The following ZBTB20 variants were observed in gnomAD, a reference collection of about 807,000 sequenced individuals.
The protein encoded by ZBTB20 is zinc finger and BTB domain containing 20.
A neutral mutation model predicts 56.9 loss-of-function variants in ZBTB20; 9 were observed. The observed-to-expected ratio is 0.16, with a 90% CI of 0.10 to 0.28. The LOEUF is 0.28. ZBTB20 is among the 10% of genes least tolerant of loss of function. The probability of loss-of-function intolerance (pLI) is 1.00; values close to 1 mark genes in which losing one functional copy is unlikely to be tolerated. For synonymous variants in ZBTB20, 417 were observed against 420.7 expected, an observed-to-expected ratio of 0.99 and a Z score of 0.11; for missense variants, 655 against 1,003.0, an observed-to-expected ratio of 0.65 and a Z score of 4.69.
At chr3:115,137,653 AAGG>A (rs1421795195) in intron 1 of ZBTB20, among the ~76,000 whole-genome samples, 1 of 152,126 alleles carries the variant, frequency 6.6e-6, no homozygotes, top group Non-Finnish European at 1.5e-5. Context: ...TGAATATGGG[AAGG>A]AGGAGACAAA....
chr3:114,500,842 G>A (rs1415743093), intron 6 of ZBTB20, among the ~76,000 whole-genome samples: 1 of 152,100 alleles, frequency 6.6e-6, no homozygotes. Flanking sequence ...CATGTGGCTG[G>A]TGACTGCCTT....
At chr3:114,941,432 G>A (rs1165597290) in intron 3 of ZBTB20, among the ~76,000 whole-genome samples, 1 of 146,100 alleles carries the variant, frequency 6.8e-6, no homozygotes, top group African/African-American at 2.8e-5. Flanking sequence ...TAGAATTCAT[G>A]ATTTGCAATG....
chr3:115,114,187 A>G (rs1259010224), intron 1 of ZBTB20, among the ~76,000 whole-genome samples: 1 of 152,146 alleles, frequency 6.6e-6, no homozygotes, highest in Non-Finnish European at 1.5e-5. Context: ...CATTAAAACA[A>G]AAATTTGAGT....
chr3:114,720,291 T>C (rs1261974035), intron 5 of ZBTB20, among the ~76,000 whole-genome samples: 2 of 150,860 alleles, frequency 1.3e-5, no homozygotes, highest in Non-Finnish European at 3.0e-5. Context: ...TATCTAAATA[T>C]AGATGACACC....
intron 7 of ZBTB20, among the ~76,000 whole-genome samples, chr3:114,425,172 T>C (rs1432924708): frequency 6.7e-5 from 10 of 149,968 alleles, no homozygotes; most frequent in Non-Finnish European, 1.0e-4. Flanking sequence ...GAAGCAGTGA[T>C]AGAGATTTTA....
chr3:114,835,691 C>G (rs1028846575), intron 4 of ZBTB20, among the ~76,000 whole-genome samples: 4 of 152,132 alleles, frequency 2.6e-5, no homozygotes, highest in Admixed American at 6.6e-5. Flanking sequence ...TCTAAATTTT[C>G]TAGTGGACTA....
At chr3:114,445,887 T>G (rs2091238534) in intron 7 of ZBTB20, among the ~76,000 whole-genome samples, 1 of 152,150 alleles carries the variant, frequency 6.6e-6, no homozygotes, top group South Asian at 2.1e-4. Context: ...ATTAAATCTG[T>G]TCTATATTGA....
At chr3:114,697,442 T>A (rs2063112230) in intron 5 of ZBTB20, among the ~76,000 whole-genome samples, 1 of 152,018 alleles carries the variant, frequency 6.6e-6, no homozygotes. Flanking sequence ...TGCTGCAGCC[T>A]AGGGCAACTA....
chr3:114,979,533 T>C (rs1392892412), intron 2 of ZBTB20, among the ~76,000 whole-genome samples: 1 of 152,042 alleles, frequency 6.6e-6, no homozygotes. Context: ...TTATTTTGTA[T>C]AAGGCCTTCC....
At chr3:114,834,696 T>A (rs1261159953) in intron 4 of ZBTB20, among the ~76,000 whole-genome samples, 1 of 152,058 alleles carries the variant, frequency 6.6e-6, no homozygotes, top group Non-Finnish European at 1.5e-5. Flanking sequence ...GGAAGAGGGC[T>A]GCAAACTGTC....
chr3:114,680,894 A>C (rs1667305352), intron 6 of ZBTB20, among the ~76,000 whole-genome samples: 1 of 152,202 alleles, frequency 6.6e-6, no homozygotes, highest in South Asian at 2.1e-4. Context: ...TCAGGTATTT[A>C]TTGACTGTCT....
intron 1 of ZBTB20, among the ~76,000 whole-genome samples, chr3:115,122,075 T>C (rs2084198081): frequency 6.6e-6 from 1 of 152,060 alleles, no homozygotes; most frequent in Admixed American, 6.6e-5. Flanking sequence ...CTAAACACTT[T>C]AGCCAGAGAC....
chr3:114,954,301 T>TA (rs2077173742), intron 3 of ZBTB20, among the ~76,000 whole-genome samples: 1 of 152,168 alleles, frequency 6.6e-6, no homozygotes, highest in African/African-American at 2.4e-5. Flanking sequence ...GTGGCCCTTT[T>TA]AATAATGTGA....
At chr3:114,751,572 C>T (rs1560207183) in intron 5 of ZBTB20, among the ~76,000 whole-genome samples, 1 of 152,068 alleles carries the variant, frequency 6.6e-6, no homozygotes, top group Non-Finnish European at 1.5e-5. Flanking sequence ...CCTGAAAATA[C>T]CCTCTTTAGG....
At chr3:114,748,376 C>CTCTT (rs796819703) in intron 5 of ZBTB20, among the ~76,000 whole-genome samples, 1 of 146,336 alleles carries the variant, frequency 6.8e-6, no homozygotes, top group African/African-American at 2.5e-5. Flanking sequence ...CTCTCTCTCT[C>CTCTT]TCTTTCTTTC....
intron 4 of ZBTB20, among the ~76,000 whole-genome samples, chr3:114,845,838 G>C (rs1007672838): frequency 4.6e-5 from 7 of 152,148 alleles, no homozygotes; most frequent in African/African-American, 1.7e-4. Flanking sequence ...AAATTGGGCA[G>C]TGATTTTTTA....
intron 5 of ZBTB20, among the ~76,000 whole-genome samples, chr3:114,794,901 A>G (rs1163492059): frequency 2.0e-5 from 3 of 152,202 alleles, no homozygotes; most frequent in African/African-American, 7.2e-5. Context: ...CACATGATAA[A>G]ATACACCAAA....
At chr3:114,981,467 G>T (rs2078324200) in intron 2 of ZBTB20, among the ~76,000 whole-genome samples, 2 of 152,024 alleles carry the variant, frequency 1.3e-5, no homozygotes, top group African/African-American at 2.4e-5. Context: ...CCACATTTTA[G>T]AAGTGACAGC....
chr3:114,346,263 C>T (rs963698626), intron 11 of ZBTB20, among the ~76,000 whole-genome samples: 3 of 152,132 alleles, frequency 2.0e-5, no homozygotes, highest in African/African-American at 7.2e-5. Context: ...ATGTATTATT[C>T]AGAGACAGGA....
Sources: allele counts gnomAD v4.1 joint callset (sites outside exome capture counted in the v4.1 genomes callset), GRCh38; gene constraint gnomAD v4.1.1; transcripts MANE v1.5; gene names NCBI Gene and HGNC (gene_info 2026-07-23, HGNC 2026-07-21).